Variants in ST6GALNAC5 observed in about 807,000 individuals in gnomAD.
ST6GALNAC5 encodes ST6 N-acetylgalactosaminide alpha-2,6-sialyltransferase 5.
A neutral mutation model predicts 33.6 loss-of-function variants in ST6GALNAC5; 27 were observed. The observed-to-expected ratio is 0.80, with a 90% CI of 0.59 to 1.11. ST6GALNAC5 has a LOEUF of 1.11. Ranked by LOEUF, ST6GALNAC5 falls within the 50% of genes least tolerant of loss-of-function variation. The pLI, the probability that ST6GALNAC5 is intolerant of heterozygous loss-of-function variation, is 0.00. For missense variants in ST6GALNAC5, 428 were observed against 454.0 expected (o/e 0.94, Z 0.52); for synonymous variants, 194 against 171.2 (o/e 1.13, Z -1.04).
intron 4 of ST6GALNAC5, among the ~76,000 whole-genome samples, chr1:77,062,399 AG>A (rs994436546): frequency 6.6e-6 from 1 of 152,188 alleles, no homozygotes; most frequent in Non-Finnish European, 1.5e-5. Flanking sequence ...AGGGTATTCC[AG>A]GCAAGTGACC....
chr1:76,867,571 A>G lies in ST6GALNAC5; in HGVS notation c.-105A>G. 2 of 1,596,352 alleles carry G rather than the reference A, an allele frequency of 1.3e-6. No individual in the cohort carries two copies. The highest frequency in any genetic ancestry group is 1.7e-6 in the Non-Finnish European group (2 of 1,164,972). Reference sequence around the variant, plus strand: ...ATCTGCCGCGGCCGGCTGCTGGGCAAAAATCAGAGCCGCCTCCGCCCCATT... The same window carrying G: ...ATCTGCCGCGGCCGGCTGCTGGGCAGAAATCAGAGCCGCCTCCGCCCCATT... On this transcript the variant is annotated 5_prime_UTR_variant, in exon 1 of 5. Coordinates refer to ENST00000477717, the MANE Select transcript of ST6GALNAC5 (RefSeq NM_030965.3).
At chr1:76,995,029 G>A (rs776847147) in intron 2 of ST6GALNAC5, among the ~76,000 whole-genome samples, 22 of 152,076 alleles carry the variant, frequency 1.4e-4, no homozygotes, top group Non-Finnish European at 2.8e-4. Context: ...CCTTCCATTG[G>A]TATAGATCAC....
intron 4 of ST6GALNAC5, among the ~76,000 whole-genome samples, chr1:77,062,126 C>T (rs1652598365): frequency 6.6e-6 from 1 of 152,058 alleles, no homozygotes; most frequent in Non-Finnish European, 1.5e-5. Flanking sequence ...GCTGCTAATT[C>T]CATATAAATT....
At chr1:76,948,061 T>C (rs1647593420) in intron 2 of ST6GALNAC5, among the ~76,000 whole-genome samples, 1 of 152,276 alleles carries the variant, frequency 6.6e-6, no homozygotes, top group Middle Eastern at 3.4e-3. Flanking sequence ...ACTAAGTTTA[T>C]TCTACACTCA....
intron 2 of ST6GALNAC5, among the ~76,000 whole-genome samples, chr1:76,922,733 T>G (rs1298951652): frequency 6.6e-6 from 1 of 151,816 alleles, no homozygotes; most frequent in African/African-American, 2.4e-5. Context: ...CATAAGAAAC[T>G]TTTCAAACCA....
intron 2 of ST6GALNAC5, among the ~76,000 whole-genome samples, chr1:76,969,466 G>T (rs192674600): frequency 2.0e-5 from 3 of 152,334 alleles, no homozygotes; most frequent in Non-Finnish European, 2.9e-5. Context: ...GCAGTAGCCT[G>T]TCAGGGAGAG....
At chr1:76,871,161 A>G (rs567429752) in intron 2 of ST6GALNAC5, 2 of 152,286 alleles carry the variant, frequency 1.3e-5, no homozygotes, top group South Asian at 4.1e-4. Context: ...ATTGCTAGGA[A>G]TTTTTTTCCA....
chr1:76,960,076 C>G (rs1012508661), intron 2 of ST6GALNAC5, among the ~76,000 whole-genome samples: 2 of 152,116 alleles, frequency 1.3e-5, no homozygotes, highest in African/African-American at 4.8e-5. Context: ...TAAATATACA[C>G]TATGTTGGTA....
chr1:76,993,722 C>T (rs978997875), intron 2 of ST6GALNAC5, among the ~76,000 whole-genome samples: 4 of 152,150 alleles, frequency 2.6e-5, no homozygotes, highest in Non-Finnish European at 5.9e-5. Context: ...TACTACGTTA[C>T]GTTTAGCTTT....
At chr1:77,033,176 A>G (rs1415455593) in intron 2 of ST6GALNAC5, among the ~76,000 whole-genome samples, 2 of 152,224 alleles carry the variant, frequency 1.3e-5, no homozygotes, top group Non-Finnish European at 2.9e-5. Flanking sequence ...AAAGAAACAA[A>G]TAGGCCTGTC....
At chr1:76,948,933 C>T (rs1298931134) in intron 2 of ST6GALNAC5, among the ~76,000 whole-genome samples, 1 of 152,106 alleles carries the variant, frequency 6.6e-6, no homozygotes, top group Non-Finnish European at 1.5e-5. Flanking sequence ...ACTCATCTAA[C>T]CAATATTTTG....
chr1:76,892,758 A>G (rs138958211), intron 2 of ST6GALNAC5, among the ~76,000 whole-genome samples: 35 of 152,370 alleles, frequency 2.3e-4, no homozygotes, highest in Non-Finnish European at 3.4e-4. Context: ...TTTAACCAAT[A>G]AACAGACAAA....
intron 2 of ST6GALNAC5, among the ~76,000 whole-genome samples, chr1:76,943,629 C>T (rs1345747563): frequency 6.6e-6 from 1 of 152,112 alleles, no homozygotes; most frequent in Non-Finnish European, 1.5e-5. Flanking sequence ...ACTTCGACCA[C>T]AGAACATGCA....
chr1:76,987,742 A>C (rs541815036), intron 2 of ST6GALNAC5, among the ~76,000 whole-genome samples: 1 of 152,300 alleles, frequency 6.6e-6, no homozygotes, highest in South Asian at 2.1e-4. Context: ...CATATAATGG[A>C]ATATTCATCA....
intron 2 of ST6GALNAC5, among the ~76,000 whole-genome samples, chr1:76,969,649 G>T (rs548897996): frequency 1.3e-5 from 2 of 152,322 alleles, no homozygotes; most frequent in East Asian, 1.9e-4. Flanking sequence ...AAACGTCCCT[G>T]TCTGACAGCC....
intron 2 of ST6GALNAC5, among the ~76,000 whole-genome samples, chr1:76,942,285 G>C (rs571122613): frequency 8.3e-4 from 126 of 152,140 alleles, no homozygotes; most frequent in Admixed American, 1.2e-3. Flanking sequence ...ATTGGTTTTA[G>C]TTATTTCAAT....
chr1:76,874,997 C>T (rs994045505), intron 2 of ST6GALNAC5, among the ~76,000 whole-genome samples: 5 of 152,138 alleles, frequency 3.3e-5, no homozygotes, highest in African/African-American at 1.2e-4. Flanking sequence ...GTTATCAATA[C>T]TTAAATGCTG....
intron 2 of ST6GALNAC5, among the ~76,000 whole-genome samples, chr1:76,888,903 T>C (rs1477143176): frequency 6.6e-6 from 1 of 152,158 alleles, no homozygotes; most frequent in Non-Finnish European, 1.5e-5. Context: ...CACATACTTA[T>C]CTTTTTTTGT....
chr1:76,958,488 G>A (rs963360622), intron 2 of ST6GALNAC5, among the ~76,000 whole-genome samples: 38 of 151,906 alleles, frequency 2.5e-4, no homozygotes, highest in African/African-American at 8.2e-4. Context: ...ATTATCTTGC[G>A]TTTTCCTGTA....
Sources: gnomAD v4.1 joint callset for allele counts (sites outside exome capture counted in the v4.1 genomes callset) on GRCh38, gnomAD v4.1.1 for gene constraint, MANE v1.5 for transcripts, NCBI Gene and HGNC (gene_info 2026-07-23, HGNC 2026-07-21) for gene names.